The following STK3 variants were observed in gnomAD, a reference collection of about 807,000 sequenced individuals.
STK3 encodes the protein serine/threonine-protein kinase 3.
STK3 carries 41 observed loss-of-function variants against 58.0 expected under a neutral mutation model. The ratio of observed to expected loss-of-function variants is 0.71; its 90% CI spans 0.55 to 0.92. The LOEUF (loss-of-function observed/expected upper bound fraction) is 0.92. Among genes scored for constraint, STK3 ranks in the 40% least tolerant of loss-of-function variants. The pLI is 0.00. For synonymous variants in STK3, 170 were observed against 191.0 expected (o/e 0.89, Z 0.91); for missense variants, 479 against 602.7 (o/e 0.79, Z 2.15).
intron 4 of STK3, among the ~76,000 whole-genome samples, chr8:98,717,155 A>G (rs1827080685): frequency 6.6e-6 from 1 of 152,214 alleles, no homozygotes; most frequent in South Asian, 2.1e-4. Flanking sequence ...CAGAGAACAC[A>G]AGAATAAAAC....
At chr8:98,459,409 T>G (rs778514937) in intron 10 of STK3, among the ~76,000 whole-genome samples, 46 of 152,338 alleles carry the variant, frequency 3.0e-4, no homozygotes, top group Non-Finnish European at 5.4e-4. Context: ...TTGGAACTTA[T>G]GTTTAAAAGG....
In STK3 at chr8:98,457,668, T is replaced by G. The variant is rs1461810283; in HGVS notation, c.1318-1668A>C. ...CATACACCAAGAAACTATCCTACTA[T>G]ACTGCAAATAACATGACGTAAACGT... On this transcript the variant is annotated intron_variant, in intron 10 of 10. Transcript: ENST00000419617. Among the ~76,000 whole-genome samples, 4 of 152,206 alleles carry G rather than the reference T, an allele frequency of 2.6e-5. No individual in the cohort carries two copies. The East Asian group carries it at 7.7e-4, about 29-fold the overall frequency.
At chr8:98,392,663 C>T (rs1817859502), upstream of STK3, among the ~76,000 whole-genome samples, 1 of 152,204 alleles carries the variant, frequency 6.6e-6, no homozygotes, top group Non-Finnish European at 1.5e-5. Context: ...CCTAGAGAAA[C>T]TGGAGGCCTG....
intron 1 of STK3, among the ~76,000 whole-genome samples, chr8:98,780,528 T>C (rs534351039): frequency 1.1e-3 from 170 of 152,286 alleles, no homozygotes; most frequent in African/African-American, 4.0e-3. Flanking sequence ...ACATTTTCAT[T>C]TGGATTTTGA....
intron 6 of STK3, among the ~76,000 whole-genome samples, chr8:98,689,083 G>A (rs1184210950): frequency 1.3e-5 from 2 of 152,070 alleles, no homozygotes; most frequent in Non-Finnish European, 2.9e-5. Context: ...ACATCACAAC[G>A]AAGCCCACAG....
intron 8 of STK3, among the ~76,000 whole-genome samples, chr8:98,559,763 A>G (rs1223567654): frequency 6.6e-6 from 1 of 152,172 alleles, no homozygotes; most frequent in Admixed American, 6.6e-5. Context: ...TACTTCAGCC[A>G]CAGTGTAAGT....
intron 3 of STK3, among the ~76,000 whole-genome samples, chr8:98,854,953 A>G (rs1029300300): frequency 4.6e-5 from 7 of 152,172 alleles, no homozygotes; most frequent in African/African-American, 1.7e-4. Context: ...GCTGCTGGGG[A>G]GGCTGAGGCA....
At position 98,825,549 on chromosome 8, in the gene STK3, G is replaced by C; in HGVS notation, c.-9C>G. 27 of 1,457,062 alleles carry C rather than the reference G, an allele frequency of 1.9e-5. No homozygotes were observed. The highest frequency in any genetic ancestry group is 2.0e-5 in the Non-Finnish European group (22 of 1,099,454). 90.3% of individuals were successfully genotyped at this position (1,457,062 alleles called of 1,614,324 possible). A position where few individuals can be genotyped will look rare whatever the true frequency, so the allele number is the denominator to read the frequency against. On this transcript the variant is annotated 5_prime_UTR_variant, in exon 1 of 11. Transcript: ENST00000419617. ...GCCGGCGGCTGCTCCATGGCGGCCG[G>C]GGACAGAGAGAGGGACCTGGTGGAC...
At chr8:98,822,813 G>A (rs894745584) in intron 1 of STK3, among the ~76,000 whole-genome samples, 4 of 152,208 alleles carry the variant, frequency 2.6e-5, no homozygotes, top group Non-Finnish European at 4.4e-5. Context: ...TGGATCATCT[G>A]AGGTCTGGAG....
intron 1 of STK3, among the ~76,000 whole-genome samples, chr8:98,917,646 C>T (rs1002278819): frequency 2.6e-5 from 4 of 152,146 alleles, no homozygotes; most frequent in Non-Finnish European, 5.9e-5. Flanking sequence ...TCCTTCATCT[C>T]GAATAGCCCA....
chr8:98,923,452 T>A (rs1839649541), intron 1 of STK3, among the ~76,000 whole-genome samples: 1 of 152,164 alleles, frequency 6.6e-6, no homozygotes, highest in East Asian at 1.9e-4. Context: ...AATATGATAT[T>A]TTTTTAAAGC....
downstream of STK3, chr8:98,883,683 T>G (rs2131903393): frequency 1.4e-6 from 1 of 703,008 alleles, no homozygotes; most frequent in East Asian, 2.7e-5. Context: ...TGTGCTCCAT[T>G]CTTTTTTCTT....
intron 2 of STK3, among the ~76,000 whole-genome samples, chr8:98,377,880 T>A (rs1817690761): frequency 6.6e-6 from 1 of 152,096 alleles, no homozygotes; most frequent in Admixed American, 6.5e-5. Context: ...GAGGGAAACG[T>A]GTTTCTTTAG....
chr8:98,407,612 G>A (rs1382252336), intron 3 of STK3, among the ~76,000 whole-genome samples: 1 of 152,170 alleles, frequency 6.6e-6, no homozygotes, highest in African/African-American at 2.4e-5. Context: ...TGATTCTACA[G>A]ACCAGAACAG....
At chr8:98,346,440 A>G in the STK3 span, among the ~76,000 whole-genome samples, 2 of 152,122 alleles carry the variant, frequency 1.3e-5, no homozygotes, top group East Asian at 3.9e-4. Context: ...TTCAAATTTA[A>G]TGAATACTAT....
chr8:98,594,051 T>C (rs2129948591), intron 7 of STK3, among the ~76,000 whole-genome samples: 1 of 152,314 alleles, frequency 6.6e-6, no homozygotes, highest in Non-Finnish European at 1.5e-5. Context: ...CTCACGCCTA[T>C]AATCCCAGGA....
intron 2 of STK3, among the ~76,000 whole-genome samples, chr8:98,377,711 T>A (rs932321911): frequency 6.6e-6 from 1 of 152,104 alleles, no homozygotes; most frequent in African/African-American, 2.4e-5. Flanking sequence ...AACTCTGCCA[T>A]CCTGAGAGCT....
chr8:98,590,577 T>C (rs568530217), intron 7 of STK3, among the ~76,000 whole-genome samples: 36 of 152,310 alleles, frequency 2.4e-4, no homozygotes, highest in African/African-American at 8.4e-4. Flanking sequence ...GGACGGGGGA[T>C]TGATCTCCCA....
chr8:98,808,102 A>G (rs990108270), intron 1 of STK3, among the ~76,000 whole-genome samples: 3 of 152,264 alleles, frequency 2.0e-5, no homozygotes, highest in African/African-American at 7.2e-5. Context: ...GTCGTGTGAC[A>G]GAAGCAAAAA....
Sources: gnomAD v4.1 joint callset for allele counts (sites outside exome capture counted in the v4.1 genomes callset) on GRCh38, gnomAD v4.1.1 for gene constraint, MANE v1.5 for transcripts, NCBI Gene and HGNC (gene_info 2026-07-23, HGNC 2026-07-21) for gene names.